ANKRD28: variants seen among roughly 807,000 people sequenced by gnomAD.
ANKRD28 encodes the protein ankyrin repeat domain 28, also known as serine/threonine-protein phosphatase 6 regulatory ankyrin repeat subunit A.
ANKRD28 carries 44 observed loss-of-function variants against 126.5 expected under a neutral mutation model. That is an observed-to-expected ratio of 0.35 (90% CI 0.27 to 0.45). The LOEUF (loss-of-function observed/expected upper bound fraction) is 0.45. Among genes scored for constraint, ANKRD28 ranks in the 20% least tolerant of loss-of-function variants. ANKRD28 has a pLI of 1.00. For missense variants in ANKRD28, 1,110 were observed against 1,316.6 expected (o/e 0.84, Z 2.43); for synonymous variants, 442 against 468.5 (o/e 0.94, Z 0.73).
chr3:15,743,077 C>T (rs530432499), intron 4 of ANKRD28, among the ~76,000 whole-genome samples: 1 of 152,124 alleles, frequency 6.6e-6, no homozygotes, highest in East Asian at 1.9e-4. Context: ...TGACCCTACC[C>T]CCAACCCTGT....
intron 14 of ANKRD28, among the ~76,000 whole-genome samples, chr3:15,699,171 G>A (rs1575223837): frequency 6.6e-6 from 1 of 152,140 alleles, no homozygotes. Context: ...ATGGTGCTGG[G>A]AAAACTGGCT....
chr3:15,745,429 T>C (rs1416336838), intron 4 of ANKRD28, among the ~76,000 whole-genome samples: 3 of 152,228 alleles, frequency 2.0e-5, no homozygotes, highest in African/African-American at 7.2e-5. Flanking sequence ...CTTCTTCTAA[T>C]GTGGCTTGCC....
chr3:15,726,088 C>T (rs1281657931), intron 6 of ANKRD28, among the ~76,000 whole-genome samples: 1 of 152,152 alleles, frequency 6.6e-6, no homozygotes, highest in African/African-American at 2.4e-5. Flanking sequence ...CCAACTACTC[C>T]ATTCCCCCAT....
Position 15,734,090 on chromosome 3 carries a change from A to G in ANKRD28, c.640+1320T>C, listed in dbSNP as rs553667735. ...TCTACCACATGTGGTTCAAAAATAT[A>G]GTATTCAGGGGATGTGAAACGCTCA... On this transcript the variant is annotated intron_variant, in intron 6 of 27. Coordinates refer to ENST00000683139, the MANE Select transcript of ANKRD28 (RefSeq NM_001349278.2). 4.3e-4 allele frequency among the ~76,000 whole-genome samples: 65 copies of G among 152,312 alleles called. No homozygotes were observed. In the South Asian group the frequency reaches 0.013, roughly 32 times the overall value.
intron 6 of ANKRD28, 67 bp downstream of exon 6, chr3:15,735,343 C>G: frequency 3.8e-6 from 5 of 1,304,194 alleles, no homozygotes; most frequent in Non-Finnish European, 5.3e-6. Context: ...ATACAAACAG[C>G]AAGAACTTGA....
intron 2 of ANKRD28, among the ~76,000 whole-genome samples, chr3:15,793,505 A>G (rs1385054704): frequency 1.3e-5 from 2 of 152,326 alleles, no homozygotes; most frequent in East Asian, 1.9e-4. Flanking sequence ...TTGATTAAAT[A>G]TAACATAAAA....
At chr3:15,747,289 T>C (rs567399624) in intron 4 of ANKRD28, among the ~76,000 whole-genome samples, 2 of 152,242 alleles carry the variant, frequency 1.3e-5, no homozygotes, top group African/African-American at 4.8e-5. Flanking sequence ...TGGCCTTAGA[T>C]TGTCTATTTG....
At position 15,815,513 on chromosome 3, in the gene ANKRD28, G is replaced by A. The variant is rs978278319; in HGVS notation, c.28-20207C>T. ...GGGTCTCATTATGTTGCCTAGGCTG[G>A]TCTCAAACTCCTGGGCTCAAGCGAT... On this transcript the variant is annotated intron_variant, in intron 1 of 27. Coordinates refer to the ANKRD28 transcript ENST00000399451. The surrounding 1 kb of genome is among the most constrained non-coding windows in gnomAD (Gnocchi z 4.1). Among the ~76,000 whole-genome samples, 9 of 152,204 alleles carry A rather than the reference G, an allele frequency of 5.9e-5. No individual in the cohort carries two copies. The South Asian group carries it at 1.9e-3, about 32-fold the overall frequency.
At chr3:15,725,965 C>T (rs970519416) in intron 6 of ANKRD28, among the ~76,000 whole-genome samples, 2 of 152,102 alleles carry the variant, frequency 1.3e-5, no homozygotes, top group Admixed American at 6.5e-5. Flanking sequence ...ATCACTTGAT[C>T]CCTGGAAGTG....
rs138273870 is a variant in ANKRD28 at position 15,702,139 on chromosome 3, C to T, written c.1547+5785G>A. Among the ~76,000 whole-genome samples the T allele has an allele frequency of 4.2e-3, 642 of 152,306 alleles. 1 individual carries two copies. Among genetic ancestry groups the T allele is most frequent in the East Asian group, 0.023 (118 of 5,192 alleles). Reference sequence around the variant, plus strand: ...TAACAAATGAAAAAGATTACTGACACTAAGTTAAATGACTTTTCCCAAATC... The same window carrying T: ...TAACAAATGAAAAAGATTACTGACATTAAGTTAAATGACTTTTCCCAAATC... On this transcript the variant is annotated intron_variant, in intron 14 of 27. Coordinates refer to ENST00000683139, the MANE Select transcript of ANKRD28 (RefSeq NM_001349278.2).
At chr3:15,748,755 A>T (rs1471271559) in intron 4 of ANKRD28, among the ~76,000 whole-genome samples, 7 of 152,158 alleles carry the variant, frequency 4.6e-5, no homozygotes, top group Non-Finnish European at 8.8e-5. Context: ...AAGGCTGGGA[A>T]AGTTTCCCTC....
chr3:15,810,214 G>C, intron 1 of ANKRD28, among the ~76,000 whole-genome samples: 1 of 151,994 alleles, frequency 6.6e-6, no homozygotes, highest in African/African-American at 2.4e-5. Context: ...ATCACAATTA[G>C]TTTAAACCAG....
At position 15,815,655 on chromosome 3, in the gene ANKRD28, T is replaced by C. The variant is rs2060817824; in HGVS notation, c.28-20349A>G. On this transcript the variant is annotated intron_variant, in intron 1 of 27. Transcript: ENST00000399451. The surrounding 1 kb of genome is among the most constrained non-coding windows in gnomAD (Gnocchi z 4.1). ...CAATGCTATGACAAAGAATCATCTT[T>C]GTTATAGTAATTACTATTGTAGTAA... Among the ~76,000 whole-genome samples the C allele has an allele frequency of 6.6e-6, 1 of 152,138 alleles. No individual in the cohort carries two copies. Among genetic ancestry groups the C allele is most frequent in the South Asian group, 2.1e-4 (1 of 4,834 alleles).
At chr3:15,691,356 CT>C (rs2068774355) in intron 17 of ANKRD28, among the ~76,000 whole-genome samples, 1 of 152,138 alleles carries the variant, frequency 6.6e-6, no homozygotes. Context: ...ATCTCTTGAC[CT>C]TGTGATCCGC....
chr3:15,776,095 T>A (rs546937349), intron 2 of ANKRD28, among the ~76,000 whole-genome samples: 1 of 152,302 alleles, frequency 6.6e-6, no homozygotes, highest in African/African-American at 2.4e-5. Context: ...AGAAGCTGTA[T>A]GCTAGGAAAC....
intron 2 of ANKRD28, among the ~76,000 whole-genome samples, chr3:15,770,915 T>C (rs902206588): frequency 1.3e-5 from 2 of 152,194 alleles, no homozygotes; most frequent in African/African-American, 4.8e-5. Context: ...AACCTGAAGA[T>C]TTTTATTAGT....
chr3:15,696,555 A>C (rs1318323049), intron 14 of ANKRD28, among the ~76,000 whole-genome samples: 1 of 152,104 alleles, frequency 6.6e-6, no homozygotes, highest in African/African-American at 2.4e-5. Flanking sequence ...CTATTCTACT[A>C]AACAATGTTG....
At chr3:15,821,599 C>A (rs573334964) in intron 1 of ANKRD28, among the ~76,000 whole-genome samples, 3 of 152,146 alleles carry the variant, frequency 2.0e-5, no homozygotes, top group Non-Finnish European at 4.4e-5. Flanking sequence ...CCAGAATCAA[C>A]ATTTTCATAA....
intron 2 of ANKRD28, among the ~76,000 whole-genome samples, chr3:15,783,632 G>A (rs1323265976): frequency 6.6e-6 from 1 of 151,838 alleles, no homozygotes; most frequent in Non-Finnish European, 1.5e-5. Context: ...CGAAAGGAGT[G>A]GATAAACAAA....
Sources: allele counts gnomAD v4.1 joint callset (sites outside exome capture counted in the v4.1 genomes callset), GRCh38; gene constraint gnomAD v4.1.1; non-coding constraint Gnocchi (gnomAD v3.1); transcripts MANE v1.5; gene names NCBI Gene and HGNC (gene_info 2026-07-23, HGNC 2026-07-21).